MAGI2: variants seen among roughly 807,000 people sequenced by gnomAD.
MAGI2 encodes membrane associated guanylate kinase, WW and PDZ domain containing 2.
MAGI2 carries 35 observed loss-of-function variants against 133.3 expected under a neutral mutation model. The ratio of observed to expected loss-of-function variants is 0.26; its 90% CI spans 0.20 to 0.35. The LOEUF (loss-of-function observed/expected upper bound fraction) is 0.35. Among genes scored for constraint, MAGI2 ranks in the 10% least tolerant of loss-of-function variants. The pLI, the probability that MAGI2 is intolerant of heterozygous loss-of-function variation, is 1.00. For synonymous variants in MAGI2, 729 were observed against 710.6 expected, an observed-to-expected ratio of 1.03 and a Z score of -0.41; for missense variants, 1,636 against 1,863.4, an observed-to-expected ratio of 0.88 and a Z score of 2.25.
chr7:78,895,862 C>G (rs1797175693), intron 2 of MAGI2, among the ~76,000 whole-genome samples: 1 of 152,064 alleles, frequency 6.6e-6, no homozygotes. Context: ...AATTATTTAA[C>G]TTAAACAATG....
intron 21 of MAGI2, among the ~76,000 whole-genome samples, chr7:78,050,406 G>A (rs978054971): frequency 1.3e-5 from 2 of 152,164 alleles, no homozygotes; most frequent in Admixed American, 1.3e-4. Flanking sequence ...TACAAAAAAA[G>A]AGAGAAGATG....
intron 3 of MAGI2, among the ~76,000 whole-genome samples, chr7:78,527,023 A>AG (rs1797024451): frequency 4.1e-5 from 6 of 145,118 alleles, no homozygotes; most frequent in East Asian, 2.0e-4. Context: ...AAAAAAAAAA[A>AG]AAAAAAAAAA....
intron 11 of MAGI2, among the ~76,000 whole-genome samples, chr7:78,200,961 T>G (rs1349425454): frequency 6.6e-6 from 1 of 152,172 alleles, no homozygotes; most frequent in Non-Finnish European, 1.5e-5. Context: ...AGGGCAGAAT[T>G]GTTTTTATAG....
chr7:78,257,029 T>G (rs1793059417), intron 9 of MAGI2, among the ~76,000 whole-genome samples: 1 of 152,202 alleles, frequency 6.6e-6, no homozygotes, highest in Non-Finnish European at 1.5e-5. Flanking sequence ...GTTGAATAAG[T>G]CAATTGCCTT....
intron 1 of MAGI2, among the ~76,000 whole-genome samples, chr7:79,076,134 A>G (rs780953360): frequency 5.3e-5 from 8 of 152,192 alleles, no homozygotes; most frequent in Admixed American, 1.3e-4. Flanking sequence ...TCCACCTGCA[A>G]TTATATTCTC....
At chr7:78,207,564 C>T (rs1787227258) in intron 10 of MAGI2, among the ~76,000 whole-genome samples, 1 of 152,104 alleles carries the variant, frequency 6.6e-6, no homozygotes. Flanking sequence ...AGAACTAGTT[C>T]AATGTTATTC....
At chr7:78,826,033 A>G (rs1790595905) in intron 2 of MAGI2, among the ~76,000 whole-genome samples, 1 of 152,212 alleles carries the variant, frequency 6.6e-6, no homozygotes, top group African/African-American at 2.4e-5. Flanking sequence ...CTTTCTTGCT[A>G]TGAAAACATA....
At chr7:79,088,955 T>C (rs562512857) in intron 1 of MAGI2, among the ~76,000 whole-genome samples, 1 of 151,952 alleles carries the variant, frequency 6.6e-6, no homozygotes, top group African/African-American at 2.4e-5. Flanking sequence ...AAAGGGGATA[T>C]AATTAAACTA....
rs1348261743 is a variant in MAGI2, at chr7:78,018,502, A to G, written c.*813T>C. 1 of 152,370 alleles carries G rather than the reference A, an allele frequency of 6.6e-6. No individual in the cohort carries two copies. The highest frequency in any genetic ancestry group is 1.9e-4 in the East Asian group (1 of 5,188). 9.4% of individuals were successfully genotyped at this position (152,370 alleles called of 1,614,324 possible). A position where few individuals can be genotyped will look rare whatever the true frequency, so the allele number is the denominator to read the frequency against. ...GTGGTCCTTCAATTATAAAATTCATATTTTAGAGAAAAACCAATTAAGATC... is the reference window on the plus strand; with the variant it reads ...GTGGTCCTTCAATTATAAAATTCATGTTTTAGAGAAAAACCAATTAAGATC... On this transcript the variant is annotated 3_prime_UTR_variant, in exon 22 of 22. Coordinates refer to ENST00000354212, the MANE Select transcript of MAGI2 (RefSeq NM_012301.4).
At chr7:79,330,437 C>T (rs1197432187) in intron 1 of MAGI2, among the ~76,000 whole-genome samples, 3 of 151,828 alleles carry the variant, frequency 2.0e-5, no homozygotes, top group African/African-American at 4.8e-5. Context: ...CCTCGTGATC[C>T]GCCTGCCTCA....
chr7:78,074,664 C>G (rs551594085), intron 21 of MAGI2, among the ~76,000 whole-genome samples: 1 of 152,166 alleles, frequency 6.6e-6, no homozygotes, highest in African/African-American at 2.4e-5. Flanking sequence ...AATTCTGCTA[C>G]TTAAGAATTT....
At chr7:79,396,945 A>G (rs1415245269) in intron 1 of MAGI2, among the ~76,000 whole-genome samples, 3 of 152,074 alleles carry the variant, frequency 2.0e-5, no homozygotes, top group African/African-American at 7.2e-5. Flanking sequence ...AAAGTTTTTA[A>G]GTATAAAAAT....
At chr7:78,265,697 CT>C (rs1793931201) in intron 9 of MAGI2, among the ~76,000 whole-genome samples, 1 of 152,194 alleles carries the variant, frequency 6.6e-6, no homozygotes, top group Admixed American at 6.5e-5. Context: ...AAAACCAAAA[CT>C]CTAGTTACAA....
At chr7:78,846,750 T>A (rs775655502) in intron 2 of MAGI2, among the ~76,000 whole-genome samples, 1 of 152,022 alleles carries the variant, frequency 6.6e-6, no homozygotes, top group South Asian at 2.1e-4. Flanking sequence ...TCTCAGCATT[T>A]TTCTCCAGAG....
intron 1 of MAGI2, among the ~76,000 whole-genome samples, chr7:79,379,661 G>A (rs1585770130): frequency 1.3e-5 from 2 of 152,042 alleles, no homozygotes; most frequent in South Asian, 4.1e-4. Context: ...ATTCTAACTG[G>A]AGTGAGATGG....
chr7:79,324,993 A>T (rs920813233), intron 1 of MAGI2, among the ~76,000 whole-genome samples: 6 of 151,766 alleles, frequency 4.0e-5, no homozygotes, highest in Non-Finnish European at 7.4e-5. Flanking sequence ...CCTCTTAAAT[A>T]TTTTCTTGTA....
intron 2 of MAGI2, among the ~76,000 whole-genome samples, chr7:78,632,394 T>C (rs751096287): frequency 6.6e-6 from 1 of 152,296 alleles, no homozygotes; most frequent in Non-Finnish European, 1.5e-5. Flanking sequence ...GAGAAGAGAC[T>C]GTGAGAAAAA....
intron 9 of MAGI2, among the ~76,000 whole-genome samples, chr7:78,288,523 T>C (rs1455431117): frequency 6.6e-6 from 1 of 152,196 alleles, no homozygotes; most frequent in African/African-American, 2.4e-5. Flanking sequence ...TAGGAACAGC[T>C]CCAGTCTATA....
At chr7:78,303,314 G>A (rs1797991158) in intron 9 of MAGI2, among the ~76,000 whole-genome samples, 1 of 145,956 alleles carries the variant, frequency 6.9e-6, no homozygotes, top group African/African-American at 2.5e-5. Flanking sequence ...GGGAGGTGAA[G>A]GTTGCAGTGA....
Sources: gnomAD v4.1 joint callset for allele counts (sites outside exome capture counted in the v4.1 genomes callset) on GRCh38, gnomAD v4.1.1 for gene constraint, MANE v1.5 for transcripts, NCBI Gene and HGNC (gene_info 2026-07-23, HGNC 2026-07-21) for gene names.